Variants in AUTS2 observed in about 807,000 individuals in gnomAD.
The protein encoded by AUTS2 is autism susceptibility gene 2 protein.
AUTS2 carries 17 observed loss-of-function variants against 112.4 expected under a neutral mutation model. That is an observed-to-expected ratio of 0.15 (90% confidence interval 0.10 to 0.23). The LOEUF (loss-of-function observed/expected upper bound fraction) is 0.23. Among genes scored for constraint, AUTS2 ranks in the 10% least tolerant of loss-of-function variants. AUTS2 has a pLI of 1.00. For synonymous variants in AUTS2, 751 were observed against 702.7 expected, an observed-to-expected ratio of 1.07 and a Z score of -1.09; for missense variants, 1,510 against 1,701.6, an observed-to-expected ratio of 0.89 and a Z score of 1.98.
At chr7:70,771,526 C>T in intron 10 of AUTS2, 23 bp from the exon 11 acceptor site, 1 of 1,573,434 alleles carries the variant, frequency 6.4e-7, no homozygotes, top group Non-Finnish European at 8.7e-7. Flanking sequence ...ATCTTTTTTC[C>T]CCCTCTCCGT....
chr7:70,705,882 G>T (rs1322969833), intron 6 of AUTS2, among the ~76,000 whole-genome samples: 1 of 152,186 alleles, frequency 6.6e-6, no homozygotes, highest in African/African-American at 2.4e-5. Flanking sequence ...GCTCTGATAG[G>T]TCTGTGTGCA....
At chr7:70,709,723 A>T (rs1364279201) in intron 6 of AUTS2, among the ~76,000 whole-genome samples, 2 of 152,194 alleles carry the variant, frequency 1.3e-5, no homozygotes, top group South Asian at 4.1e-4. Flanking sequence ...AAAAATATTT[A>T]CATATATCTT....
chr7:70,635,117 T>C (rs1335400200), intron 5 of AUTS2, among the ~76,000 whole-genome samples: 1 of 152,056 alleles, frequency 6.6e-6, no homozygotes, highest in African/African-American at 2.4e-5. Flanking sequence ...TGCGAAAAAA[T>C]TAATAGTACC....
chr7:69,816,011 A>G (rs532868231), intron 1 of AUTS2, among the ~76,000 whole-genome samples: 1 of 152,316 alleles, frequency 6.6e-6, no homozygotes, highest in Admixed American at 6.5e-5. Flanking sequence ...CTAGCCAAGA[A>G]AGGTCATGTC....
At chr7:69,725,684 T>C (rs769577530) in intron 1 of AUTS2, among the ~76,000 whole-genome samples, 1 of 152,138 alleles carries the variant, frequency 6.6e-6, no homozygotes, top group Non-Finnish European at 1.5e-5. Context: ...GAGTGTAGGC[T>C]CTTATGAAGG....
In AUTS2 at chr7:70,410,398, T is replaced by A. The variant is rs573789410; in HGVS notation, c.661-25354T>A. ...AGGCTCTGTCTTAGGAGGGTTTGTC[T>A]TTTATTTATTTATTTATTTATTTAT... On this transcript the variant is annotated intron_variant, in intron 4 of 18. Transcript: ENST00000342771. 1.8e-3 allele frequency among the ~76,000 whole-genome samples: 251 copies of A among 140,828 alleles called. 2 individuals are homozygous for A. The highest frequency in any genetic ancestry group is 6.2e-3 in the African/African-American group (237 of 38,176). 92.4% of individuals were successfully genotyped at this position (140,828 alleles called of 152,430 possible). A position where few individuals can be genotyped will look rare whatever the true frequency, so the allele number is the denominator to read the frequency against.
chr7:70,394,945 A>G (rs1047961148), intron 4 of AUTS2, among the ~76,000 whole-genome samples: 2 of 152,240 alleles, frequency 1.3e-5, no homozygotes, highest in Non-Finnish European at 2.9e-5. Flanking sequence ...AAATGTTTAA[A>G]AGCCACTAGT....
At chr7:70,291,100 A>G (rs772496020) in intron 4 of AUTS2, 4 of 152,142 alleles carry the variant, frequency 2.6e-5, no homozygotes, top group Non-Finnish European at 5.9e-5. Flanking sequence ...TCTTTTTTAG[A>G]TGGAAATTAA....
chr7:70,640,309 C>CAT (rs1490433652), intron 5 of AUTS2, among the ~76,000 whole-genome samples: 1 of 143,850 alleles, frequency 7.0e-6, no homozygotes, highest in African/African-American at 2.6e-5. Context: ...TAGGATGAAA[C>CAT]AGGAAATTTT....
intron 1 of AUTS2, among the ~76,000 whole-genome samples, chr7:69,624,372 A>G (rs188252767): frequency 2.0e-5 from 3 of 152,062 alleles, no homozygotes; most frequent in African/African-American, 7.2e-5. Flanking sequence ...CCTCCTCTCT[A>G]TCCACCCAGA....
At chr7:70,139,590 G>C (rs1363006065) in intron 4 of AUTS2, among the ~76,000 whole-genome samples, 1 of 152,018 alleles carries the variant, frequency 6.6e-6, no homozygotes, top group African/African-American at 2.4e-5. Context: ...ATTTTCTGGG[G>C]GTGAATTCTT....
chr7:69,851,274 A>G (rs529831042), intron 1 of AUTS2, among the ~76,000 whole-genome samples: 105 of 152,322 alleles, frequency 6.9e-4, no homozygotes, highest in Admixed American at 1.1e-3. Context: ...TTGAAATCAT[A>G]TAGAGTGATT....
intron 1 of AUTS2, among the ~76,000 whole-genome samples, chr7:69,692,163 C>T (rs558288939): frequency 6.6e-6 from 1 of 152,316 alleles, no homozygotes; most frequent in South Asian, 2.1e-4. Context: ...CTGCAATCTT[C>T]CCTACCCCTG....
At chr7:69,910,420 ATAT>A (rs999941635) in intron 2 of AUTS2, among the ~76,000 whole-genome samples, 7 of 152,122 alleles carry the variant, frequency 4.6e-5, no homozygotes, top group African/African-American at 1.4e-4. Flanking sequence ...GTGGGTGAGT[ATAT>A]TAGTTCTTTT....
chr7:70,027,102 T>C (rs1234517727), intron 2 of AUTS2, among the ~76,000 whole-genome samples: 3 of 152,168 alleles, frequency 2.0e-5, no homozygotes, highest in African/African-American at 4.8e-5. Flanking sequence ...TCTGAGCCCA[T>C]TTAAGGTATG....
chr7:69,779,866 A>T (rs1322303715), intron 1 of AUTS2, among the ~76,000 whole-genome samples: 1 of 151,034 alleles, frequency 6.6e-6, no homozygotes, highest in Non-Finnish European at 1.5e-5. Context: ...TATTTTGTGT[A>T]TTTTTTTCAG....
chr7:70,007,248 A>T (rs1019295905), intron 2 of AUTS2, among the ~76,000 whole-genome samples: 6 of 152,216 alleles, frequency 3.9e-5, no homozygotes, highest in African/African-American at 1.4e-4. Context: ...GAGGGAGCTT[A>T]GCCTTTCTGT....
At chr7:69,913,794 G>T (rs1795454789) in intron 2 of AUTS2, among the ~76,000 whole-genome samples, 1 of 152,142 alleles carries the variant, frequency 6.6e-6, no homozygotes, top group Admixed American at 6.5e-5. Context: ...GTTATCCAGT[G>T]CTGTTTCTTC....
intron 6 of AUTS2, among the ~76,000 whole-genome samples, chr7:70,705,397 A>T (rs889233512): frequency 1.3e-5 from 2 of 152,166 alleles, no homozygotes; most frequent in African/African-American, 4.8e-5. Flanking sequence ...TTATTCCTGA[A>T]CCTCTGGTGG....
Sources: allele counts gnomAD v4.1 joint callset (sites outside exome capture counted in the v4.1 genomes callset), GRCh38; gene constraint gnomAD v4.1.1; transcripts MANE v1.5; gene names NCBI Gene and HGNC (gene_info 2026-07-23, HGNC 2026-07-21).